The following PITPNC1 variants were observed in gnomAD, a reference collection of about 807,000 sequenced individuals.
PITPNC1 encodes phosphatidylinositol transfer protein cytoplasmic 1, also known as cytoplasmic phosphatidylinositol transfer protein 1.
Under a neutral mutation model 44.7 loss-of-function variants are expected in PITPNC1, and 18 were observed. That is an observed-to-expected ratio of 0.40 (90% CI 0.28 to 0.60). PITPNC1 has a LOEUF of 0.60. Ranked by LOEUF, PITPNC1 falls within the 20% of genes least tolerant of loss-of-function variation. The pLI is 0.39. For missense variants in PITPNC1, 290 were observed against 418.4 expected (o/e 0.69, Z 2.68); for synonymous variants, 141 against 149.6 (o/e 0.94, Z 0.42).
At chr17:67,656,168 G>C (rs887979775) in intron 6 of PITPNC1, among the ~76,000 whole-genome samples, 2 of 152,232 alleles carry the variant, frequency 1.3e-5, no homozygotes, top group African/African-American at 4.8e-5. Context: ...AGTTAGGTCA[G>C]AGCATGGGGG....
chr17:67,658,010 G>A (rs1406453830), intron 6 of PITPNC1, among the ~76,000 whole-genome samples: 1 of 152,212 alleles, frequency 6.6e-6, no homozygotes, highest in Non-Finnish European at 1.5e-5. Context: ...AACAAGCCAA[G>A]GGCAGTCCAT....
intron 8 of PITPNC1, among the ~76,000 whole-genome samples, chr17:67,690,976 G>A (rs2042915840): frequency 6.6e-6 from 1 of 152,074 alleles, no homozygotes; most frequent in South Asian, 2.1e-4. Flanking sequence ...GGTGGCACGT[G>A]CCTGTAGTCC....
At chr17:67,559,780 G>C (rs143702658) in intron 4 of PITPNC1, among the ~76,000 whole-genome samples, 1 of 152,070 alleles carries the variant, frequency 6.6e-6, no homozygotes, top group Non-Finnish European at 1.5e-5. Context: ...CCAGCTCCTC[G>C]GGAGGCTGAC....
intron 2 of PITPNC1, among the ~76,000 whole-genome samples, chr17:67,547,222 G>T (rs1462538724): frequency 6.6e-6 from 1 of 152,136 alleles, no homozygotes; most frequent in African/African-American, 2.4e-5. Flanking sequence ...GAATGTTCAA[G>T]TTCTGGTAAA....
intron 1 of PITPNC1, among the ~76,000 whole-genome samples, chr17:67,523,469 T>C (rs1248722317): frequency 2.0e-5 from 3 of 147,340 alleles, no homozygotes; most frequent in Non-Finnish European, 4.4e-5. Flanking sequence ...TATTATACAA[T>C]TTATGAAGCA....
At chr17:67,689,352 G>T (rs1056609851) in intron 8 of PITPNC1, among the ~76,000 whole-genome samples, 1 of 152,120 alleles carries the variant, frequency 6.6e-6, no homozygotes, top group Admixed American at 6.6e-5. Context: ...CGTTGTTCCC[G>T]TGACTTCAGG....
At chr17:67,515,225 C>T (rs1402250319) in intron 1 of PITPNC1, among the ~76,000 whole-genome samples, 2 of 152,174 alleles carry the variant, frequency 1.3e-5, no homozygotes, top group Admixed American at 6.5e-5. Context: ...AGAAAGGAAG[C>T]AAGGCCTTCT....
intron 4 of PITPNC1, 58 bp downstream of exon 4, chr17:67,553,675 A>T: frequency 3.0e-6 from 2 of 669,708 alleles, no homozygotes; most frequent in South Asian, 5.0e-5. Context: ...AGTAATTGGA[A>T]TGTCTCTTGT....
intron 1 of PITPNC1, among the ~76,000 whole-genome samples, chr17:67,421,141 G>A (rs2038667583): frequency 6.6e-6 from 1 of 152,124 alleles, no homozygotes; most frequent in South Asian, 2.1e-4. Context: ...TCTTGATGGT[G>A]CTAGTGAGAA....
chr17:67,599,034 A>ATATTT (rs1461493250), intron 5 of PITPNC1, among the ~76,000 whole-genome samples: 9 of 35,686 alleles, frequency 2.5e-4, no homozygotes, highest in African/African-American at 9.2e-4. Context: ...ATATATATAT[A>ATATTT]TTTTTTTTTT....
chr17:67,654,040 A>G (rs1053989918), intron 6 of PITPNC1, among the ~76,000 whole-genome samples: 10 of 152,194 alleles, frequency 6.6e-5, no homozygotes, highest in African/African-American at 2.4e-4. Context: ...CCCAGGTGAA[A>G]TCGCCTAAGG....
chr17:67,378,078 T>G lies in PITPNC1; in HGVS notation c.-77T>G, dbSNP rs1467233073. On this transcript the variant is annotated 5_prime_UTR_variant, in exon 1 of 9. Coordinates refer to ENST00000581322, the MANE Select transcript of PITPNC1 (RefSeq NM_012417.4). ...GCGCCGGGCTCCGGGCGCCCTGCCC[T>G]GCGCCTGGGCAGCAGCCTTGCTGGT... is the stretch of plus-strand genomic sequence containing the variant. 2.9e-6 allele frequency: 3 copies of G among 1,028,396 alleles called. No homozygotes were observed. The East Asian group carries it at 9.4e-5, about 32-fold the overall frequency. 63.7% of individuals were successfully genotyped at this position (1,028,396 alleles called of 1,614,324 possible). A position where few individuals can be genotyped will look rare whatever the true frequency, so the allele number is the denominator to read the frequency against.
At chr17:67,489,459 A>G (rs1213684351) in intron 1 of PITPNC1, among the ~76,000 whole-genome samples, 2 of 152,172 alleles carry the variant, frequency 1.3e-5, no homozygotes, top group Admixed American at 6.5e-5. Context: ...TGTGGTCACT[A>G]TACAGTTATG....
At chr17:67,420,531 C>G (rs1379018394) in intron 1 of PITPNC1, among the ~76,000 whole-genome samples, 1 of 151,854 alleles carries the variant, frequency 6.6e-6, no homozygotes, top group African/African-American at 2.4e-5. Context: ...CTCCTTGGGT[C>G]AAGCGAGCCT....
At chr17:67,462,750 TG>T (rs75514239) in intron 1 of PITPNC1, among the ~76,000 whole-genome samples, 22,059 of 147,652 alleles carry the variant, frequency 0.15, 1,918 homozygotes, top group East Asian at 0.37. Flanking sequence ...TTGCCCAGGC[TG>T]GAGTGCAATG....
chr17:67,617,101 T>G (rs936773503), intron 5 of PITPNC1, among the ~76,000 whole-genome samples: 1 of 152,182 alleles, frequency 6.6e-6, no homozygotes, highest in African/African-American at 2.4e-5. Context: ...AAAAAAAGCC[T>G]AGTTGCCTTC....
At chr17:67,438,157 T>G (rs1367568954) in intron 1 of PITPNC1, among the ~76,000 whole-genome samples, 4 of 152,154 alleles carry the variant, frequency 2.6e-5, no homozygotes, top group Non-Finnish European at 4.4e-5. Context: ...TTCAGGTCAC[T>G]CAATAGCCCT....
At chr17:67,410,261 A>G (rs1321158612) in intron 1 of PITPNC1, among the ~76,000 whole-genome samples, 3 of 152,236 alleles carry the variant, frequency 2.0e-5, no homozygotes. Context: ...AGAACGTAGT[A>G]TGCAATTAGT....
intron 2 of PITPNC1, among the ~76,000 whole-genome samples, chr17:67,541,528 A>C (rs2040608135): frequency 6.6e-6 from 1 of 152,152 alleles, no homozygotes; most frequent in Non-Finnish European, 1.5e-5. Flanking sequence ...ATACAGCTGC[A>C]AAAATTATTC....
Sources: allele counts gnomAD v4.1 joint callset (sites outside exome capture counted in the v4.1 genomes callset), GRCh38; gene constraint gnomAD v4.1.1; transcripts MANE v1.5; gene names NCBI Gene and HGNC (gene_info 2026-07-23, HGNC 2026-07-21).